PSD3: variants seen among roughly 807,000 people sequenced by gnomAD.
The protein encoded by PSD3 is PH and SEC7 domain-containing protein 3.
Under a neutral mutation model 105.5 loss-of-function variants are expected in PSD3, and 49 were observed. That is an observed-to-expected ratio of 0.46 (90% CI 0.37 to 0.59). The LOEUF is 0.59. PSD3 is among the 20% of genes least tolerant of loss of function. The pLI is 0.00. For synonymous variants in PSD3, 557 were observed against 457.8 expected, an observed-to-expected ratio of 1.22 and a Z score of -2.77; for missense variants, 1,561 against 1,263.8, an observed-to-expected ratio of 1.24 and a Z score of -3.57.
intron 11 of PSD3, among the ~76,000 whole-genome samples, chr8:18,612,695 C>T (rs1467924366): frequency 6.6e-6 from 1 of 152,174 alleles, no homozygotes; most frequent in Non-Finnish European, 1.5e-5. Flanking sequence ...AACAGAAACA[C>T]TTAGCACATA....
intron 10 of PSD3, among the ~76,000 whole-genome samples, chr8:18,651,876 C>T (rs899630319): frequency 1.3e-5 from 2 of 152,086 alleles, no homozygotes; most frequent in East Asian, 1.9e-4. Flanking sequence ...ATTGGCAGAA[C>T]GTGAAGGGCC....
rs1465543746 is a variant in PSD3, at chr8:18,755,401, G to A, written c.2172+10048C>T. ...GCCGAGATTGTACCACTGCACTCCT[G>A]CCTGGGCAACAGAGTGAGACCCTGT... On this transcript the variant is annotated intron_variant, in intron 9 of 15. Coordinates refer to ENST00000327040, the MANE Select transcript of PSD3 (RefSeq NM_015310.4). Among the ~76,000 whole-genome samples, 3 of 150,134 alleles carry A rather than the reference G, an allele frequency of 2.0e-5. No homozygotes were observed. In the Admixed American group the frequency reaches 2.0e-4, roughly 10 times the overall value.
chr8:18,725,432 T>C (rs938875595), intron 9 of PSD3, among the ~76,000 whole-genome samples: 1 of 152,158 alleles, frequency 6.6e-6, no homozygotes, highest in African/African-American at 2.4e-5. Context: ...CCAATCCCAC[T>C]TTGTCCTAAA....
intron 1 of PSD3, among the ~76,000 whole-genome samples, chr8:18,999,689 A>C (rs1018954615): frequency 6.6e-6 from 1 of 151,850 alleles, no homozygotes; most frequent in East Asian, 1.9e-4. Flanking sequence ...ACTTTACAAA[A>C]TATTTATAAA....
intron 8 of PSD3, among the ~76,000 whole-genome samples, chr8:18,771,914 C>T (rs1168888922): frequency 1.3e-5 from 2 of 152,204 alleles, no homozygotes; most frequent in East Asian, 3.8e-4. Flanking sequence ...CCACTTGTAA[C>T]CAACGTTCTA....
intron 1 of PSD3, among the ~76,000 whole-genome samples, chr8:19,024,822 G>A (rs34512514): frequency 0.023 from 3,553 of 152,182 alleles, 133 homozygotes; most frequent in African/African-American, 0.08. Context: ...GAGAGGGCAT[G>A]AAAACCCTGA....
At chr8:19,077,738 T>G (rs1468992865) in intron 1 of PSD3, among the ~76,000 whole-genome samples, 3 of 152,192 alleles carry the variant, frequency 2.0e-5, no homozygotes, top group Non-Finnish European at 4.4e-5. Context: ...ATCAAATCAT[T>G]GCGTGATGTG....
intron 9 of PSD3, among the ~76,000 whole-genome samples, chr8:18,673,551 G>C (rs1799906031): frequency 6.6e-6 from 1 of 152,058 alleles, no homozygotes; most frequent in African/African-American, 2.4e-5. Context: ...TAATCTGGCT[G>C]GTTTCTATCT....
intron 9 of PSD3, among the ~76,000 whole-genome samples, chr8:18,720,064 G>C (rs184699133): frequency 6.6e-6 from 1 of 152,168 alleles, no homozygotes; most frequent in East Asian, 1.9e-4. Flanking sequence ...AGTTATGACT[G>C]CCCCATTCTG....
rs538557378 is a variant in PSD3 at position 18,588,981 on chromosome 8, C to T, written c.2481+11383G>A. Among the ~76,000 whole-genome samples, 4 of 152,304 alleles carry T rather than the reference C, an allele frequency of 2.6e-5. No homozygotes were observed. The South Asian group carries it at 8.3e-4, about 32-fold the overall frequency. On this transcript the variant is annotated intron_variant, in intron 12 of 15. Transcript: ENST00000327040. ...AGAGAAACGGTTTTGCCAAAGGCAG[C>T]TATGCCCCTTAACACAGATTTTAGA...
chr8:18,654,134 T>A (rs1207586489), intron 10 of PSD3, among the ~76,000 whole-genome samples: 1 of 152,272 alleles, frequency 6.6e-6, no homozygotes, highest in Middle Eastern at 3.4e-3. Flanking sequence ...TACAGACACA[T>A]AAGCCATATA....
chr8:18,906,535 C>T (rs1485328230), intron 2 of PSD3, among the ~76,000 whole-genome samples: 1 of 152,098 alleles, frequency 6.6e-6, no homozygotes, highest in Non-Finnish European at 1.5e-5. Flanking sequence ...GCTCTGATGG[C>T]CTGGTGATCC....
intron 4 of PSD3, among the ~76,000 whole-genome samples, chr8:18,854,806 T>G (rs1478558195): frequency 1.3e-5 from 2 of 152,370 alleles, no homozygotes; most frequent in South Asian, 4.2e-4. Context: ...AAATTCACAC[T>G]TAATCTCATG....
chr8:19,081,888 T>C (rs1277621898), intron 1 of PSD3, among the ~76,000 whole-genome samples: 1 of 152,218 alleles, frequency 6.6e-6, no homozygotes, highest in African/African-American at 2.4e-5. Flanking sequence ...TCCTTCCCTG[T>C]AACCAACGTT....
At chr8:18,544,921 C>T (rs538381465) in intron 15 of PSD3, among the ~76,000 whole-genome samples, 189 of 152,244 alleles carry the variant, frequency 1.2e-3, no homozygotes, top group African/African-American at 4.2e-3. Context: ...AGACGCTCCC[C>T]ACCTCCAGGC....
intron 1 of PSD3, among the ~76,000 whole-genome samples, chr8:19,005,505 G>C (rs935727956): frequency 6.6e-6 from 1 of 151,918 alleles, no homozygotes; most frequent in Non-Finnish European, 1.5e-5. Flanking sequence ...TTTTGAGACA[G>C]GGTCTCATTC....
At chr8:18,774,817 G>A (rs7822288) in intron 8 of PSD3, 202,585 of 444,798 alleles carry the variant, frequency 0.46, 52,851 homozygotes, top group Middle Eastern at 0.62. Context: ...CTGTCACTTC[G>A]GCGACATACA....
intron 9 of PSD3, among the ~76,000 whole-genome samples, chr8:18,717,877 C>T (rs1185136273): frequency 6.6e-6 from 1 of 151,884 alleles, no homozygotes; most frequent in Non-Finnish European, 1.5e-5. Context: ...AAATTCTCTG[C>T]GGTGAGACTT....
At chr8:18,904,511 C>A (rs1819715103) in intron 2 of PSD3, among the ~76,000 whole-genome samples, 2 of 152,214 alleles carry the variant, frequency 1.3e-5, no homozygotes, top group South Asian at 2.1e-4. Flanking sequence ...GTCTTCCCTG[C>A]TGGGTTTCAG....
Sources: gnomAD v4.1 joint callset for allele counts (sites outside exome capture counted in the v4.1 genomes callset) on GRCh38, gnomAD v4.1.1 for gene constraint, MANE v1.5 for transcripts, NCBI Gene and HGNC (gene_info 2026-07-23, HGNC 2026-07-21) for gene names.